The following CXADR variants were observed in gnomAD, a reference collection of about 807,000 sequenced individuals.
CXADR encodes CXADR cell adhesion molecule, also known as coxsackievirus and adenovirus receptor.
Under a neutral mutation model 40.3 loss-of-function variants are expected in CXADR, and 20 were observed. The ratio of observed to expected loss-of-function variants is 0.50; its 90% CI spans 0.35 to 0.72. The LOEUF is 0.72. Ranked by LOEUF, CXADR falls within the 30% of genes least tolerant of loss-of-function variation. The pLI is 0.01. For missense variants in CXADR, 332 were observed against 449.1 expected (o/e 0.74, Z 2.36); for synonymous variants, 150 against 161.3 (o/e 0.93, Z 0.53).
chr21:17,533,166 A>G (rs1159153313), intron 1 of CXADR, among the ~76,000 whole-genome samples: 1 of 152,224 alleles, frequency 6.6e-6, no homozygotes, highest in Non-Finnish European at 1.5e-5. Flanking sequence ...TTTGAGCCCT[A>G]GGGAAGCAAC....
the CXADR span, among the ~76,000 whole-genome samples, chr21:17,628,646 G>A: frequency 2.0e-5 from 3 of 152,108 alleles, no homozygotes; most frequent in Non-Finnish European, 4.4e-5. Flanking sequence ...AATTACAGGC[G>A]CACGCCACCA....
At chr21:17,563,017 C>T (rs778337913) in intron 6 of CXADR, among the ~76,000 whole-genome samples, 3 of 152,188 alleles carry the variant, frequency 2.0e-5, no homozygotes, top group African/African-American at 4.8e-5. Context: ...ACTTTCTTAT[C>T]GTTCACGTGT....
rs995065255 is a variant in CXADR, at chr21:17,568,419, C to T, written c.*2727C>T. 2.0e-4 allele frequency: 196 copies of T among 985,158 alleles called. No individual in the cohort carries two copies. The highest frequency in any genetic ancestry group is 2.3e-4 in the Non-Finnish European group (191 of 829,926). The allele number at this position is 985,158 out of a possible 1,614,324, so 61.0% of individuals were successfully genotyped here. A position where few individuals can be genotyped will look rare whatever the true frequency, so the allele number is the denominator to read the frequency against. ...CTGGGATTACAGGCGTGAACCACTG[C>T]ACCCGGCCCAGTACTGCATCTTAAC... On this transcript the variant is annotated 3_prime_UTR_variant, in exon 7 of 7. Transcript: ENST00000284878.
downstream of CXADR, among the ~76,000 whole-genome samples, chr21:17,571,771 G>T (rs1216592258): frequency 6.6e-6 from 1 of 152,138 alleles, no homozygotes; most frequent in Non-Finnish European, 1.5e-5. Context: ...TATACAAAAA[G>T]AAGCTATTAG....
chr21:17,576,005 T>G (rs1473267244), intron 7 of CXADR, among the ~76,000 whole-genome samples: 5 of 150,492 alleles, frequency 3.3e-5, no homozygotes, highest in Non-Finnish European at 1.5e-5. Context: ...GGAGAATCAC[T>G]TGAACCTGGG....
At chr21:17,538,844 A>G (rs950590607) in intron 1 of CXADR, among the ~76,000 whole-genome samples, 1 of 152,088 alleles carries the variant, frequency 6.6e-6, no homozygotes, top group Non-Finnish European at 1.5e-5. Flanking sequence ...AAAAGCAATT[A>G]TATAGAGAAC....
rs80336866 is a variant in CXADR, at chr21:17,544,467, G to C, written c.44-2560G>C. On this transcript the variant is annotated intron_variant, in intron 1 of 6. Transcript: ENST00000284878. The stretch of plus-strand genomic sequence containing the variant: ...ACAAAAATCATGTATTCATGATCCT[G>C]TGGGTTGCTAGTTAGACTAGGCTAG... 3.2e-3 allele frequency among the ~76,000 whole-genome samples: 489 copies of C among 152,290 alleles called. 23 individuals carry two copies. The East Asian group carries it at 0.082, about 25-fold the overall frequency.
the CXADR span, among the ~76,000 whole-genome samples, chr21:17,617,079 C>T: frequency 6.6e-6 from 1 of 152,168 alleles, no homozygotes; most frequent in Non-Finnish European, 1.5e-5. Context: ...TCCTCCCTAC[C>T]TCAAAGAGGC....
chr21:17,521,391 C>T (rs994850436), intron 1 of CXADR, among the ~76,000 whole-genome samples: 8 of 152,044 alleles, frequency 5.3e-5, no homozygotes, highest in African/African-American at 9.7e-5. Context: ...GGCACGATCA[C>T]GGTTCACTAC....
At chr21:17,558,849 T>C (rs1360078070) in intron 3 of CXADR, 127 bp from the exon 4 acceptor site, 1 of 929,124 alleles carries the variant, frequency 1.1e-6, no homozygotes, top group East Asian at 2.7e-5. Flanking sequence ...TACTGTGGTC[T>C]TTCATTCTTT....
chr21:17,580,546 G>T (rs2061353025), intron 7 of CXADR, among the ~76,000 whole-genome samples: 1 of 152,182 alleles, frequency 6.6e-6, no homozygotes, highest in East Asian at 1.9e-4. Flanking sequence ...GGAGGTCAAG[G>T]CTGCAGTGAG....
chr21:17,513,254 G>GATTCTCC, intron 1 of CXADR, 82 bp downstream of exon 1: 1 of 1,265,164 alleles, frequency 7.9e-7, no homozygotes, highest in Non-Finnish European at 1.0e-6. Context: ...ACAATGGGGC[G>GATTCTCC]TGGGGGAGGG....
chr21:17,583,509 C>T (rs913820437), intron 7 of CXADR, among the ~76,000 whole-genome samples: 1 of 152,160 alleles, frequency 6.6e-6, no homozygotes, highest in African/African-American at 2.4e-5. Flanking sequence ...ATATGTATAA[C>T]TGTTGTACAT....
At chr21:17,602,789 C>G in the CXADR span, among the ~76,000 whole-genome samples, 2 of 152,076 alleles carry the variant, frequency 1.3e-5, no homozygotes, top group African/African-American at 4.8e-5. Context: ...GTAGAATGTC[C>G]GTATAACTAA....
At chr21:17,616,024 G>A in the CXADR span, among the ~76,000 whole-genome samples, 2 of 152,160 alleles carry the variant, frequency 1.3e-5, no homozygotes, top group Non-Finnish European at 2.9e-5. Flanking sequence ...GCTGAGGCAG[G>A]TGGATCACCT....
intron 7 of CXADR, among the ~76,000 whole-genome samples, chr21:17,579,636 C>T (rs1193851476): frequency 1.3e-5 from 2 of 152,046 alleles, no homozygotes; most frequent in Admixed American, 1.3e-4. Flanking sequence ...GGGCGGCTTG[C>T]CAGTTGTAGG....
chr21:17,561,718 G>A (rs953880130), intron 6 of CXADR, among the ~76,000 whole-genome samples: 1 of 152,012 alleles, frequency 6.6e-6, no homozygotes, highest in African/African-American at 2.4e-5. Flanking sequence ...ACTGCCAAAT[G>A]ATTATCTCAA....
chr21:17,625,094 G>T, the CXADR span, among the ~76,000 whole-genome samples: 3 of 151,954 alleles, frequency 2.0e-5, no homozygotes, highest in Non-Finnish European at 4.4e-5. Flanking sequence ...ACCTAGACCT[G>T]TTTCTTGTAC....
intron 1 of CXADR, among the ~76,000 whole-genome samples, chr21:17,518,002 A>T (rs1428814550): frequency 2.6e-5 from 4 of 152,226 alleles, no homozygotes; most frequent in Admixed American, 6.5e-5. Flanking sequence ...AGAGAAGTGT[A>T]TGAAAAATAT....
Sources: gnomAD v4.1 joint callset for allele counts (sites outside exome capture counted in the v4.1 genomes callset) on GRCh38, gnomAD v4.1.1 for gene constraint, MANE v1.5 for transcripts, NCBI Gene and HGNC (gene_info 2026-07-23, HGNC 2026-07-21) for gene names.